ABLIM1: variants seen among roughly 807,000 people sequenced by gnomAD.
ABLIM1 encodes actin-binding LIM protein 1.
A neutral mutation model predicts 107.0 loss-of-function variants in ABLIM1; 40 were observed. The ratio of observed to expected loss-of-function variants is 0.37; its 90% confidence interval spans 0.29 to 0.49. The LOEUF (loss-of-function observed/expected upper bound fraction) is 0.49. Ranked by LOEUF, ABLIM1 falls within the 20% of genes least tolerant of loss-of-function variation. The probability of loss-of-function intolerance (pLI) is 0.97; values close to 1 mark genes in which losing one functional copy is unlikely to be tolerated. For synonymous variants in ABLIM1, 357 were observed against 357.3 expected (o/e 1.00, Z 0.01); for missense variants, 857 against 1,008.5 (o/e 0.85, Z 2.04).
chr10:114,439,964 G>T lies in ABLIM1; in HGVS notation c.2067+118C>A, dbSNP rs572519996. On this transcript the variant is annotated intron_variant, in intron 20 of 22. Transcript: ENST00000533213. ...ACGGCTATAGAGTAATGACTAGAGA[G>T]ATCAACCACAACAAGCATCTTCTCA... 9.8e-6 allele frequency: 15 copies of T among 1,536,250 alleles called. No individual in the cohort carries two copies. The East Asian group carries it at 3.4e-4, about 35-fold the overall frequency.
intron 2 of ABLIM1, among the ~76,000 whole-genome samples, chr10:114,600,340 C>T (rs372805659): frequency 3.8e-4 from 58 of 152,264 alleles, no homozygotes; most frequent in African/African-American, 1.3e-3. Flanking sequence ...GTGGACACAG[C>T]ATTTGTAACG....
chr10:114,468,588 A>T (rs1400910686), intron 10 of ABLIM1, among the ~76,000 whole-genome samples: 3 of 151,650 alleles, frequency 2.0e-5, no homozygotes, highest in Non-Finnish European at 4.4e-5. Context: ...TGCCAGTTTT[A>T]ATTAGAGTTG....
At chr10:114,799,362 A>G in the ABLIM1 span, among the ~76,000 whole-genome samples, 1 of 152,026 alleles carries the variant, frequency 6.6e-6, no homozygotes, top group African/African-American at 2.4e-5. Flanking sequence ...CTACTTTCTC[A>G]TTTATATTTC....
upstream of ABLIM1, among the ~76,000 whole-genome samples, chr10:114,769,630 T>C (rs1452140310): frequency 6.6e-6 from 1 of 152,130 alleles, no homozygotes; most frequent in Admixed American, 6.5e-5. Flanking sequence ...CCCAAATCCA[T>C]CCTGATGTGA....
At chr10:114,532,108 C>T (rs1235766086) in intron 6 of ABLIM1, among the ~76,000 whole-genome samples, 3 of 152,210 alleles carry the variant, frequency 2.0e-5, no homozygotes, top group African/African-American at 7.2e-5. Flanking sequence ...AGCCACGGCA[C>T]CTGGCCTGTA....
chr10:114,577,367 A>T (rs1324883411), intron 2 of ABLIM1, among the ~76,000 whole-genome samples: 1 of 152,166 alleles, frequency 6.6e-6, no homozygotes, highest in Non-Finnish European at 1.5e-5. Flanking sequence ...CTGAGAAGTG[A>T]CACAACAATG....
chr10:114,458,421 C>T (rs913105232), intron 12 of ABLIM1, among the ~76,000 whole-genome samples: 10 of 152,212 alleles, frequency 6.6e-5, no homozygotes, highest in African/African-American at 2.4e-4. Context: ...ACCATGAGAG[C>T]CCGAGTGACT....
rs371025502 is a variant in ABLIM1 at position 114,451,605 on chromosome 10, G to A, written c.1594+19C>T. ...TGACTTTGCTATTTAAAAGCTACGC[G>A]GAGGAAAGCGGGTTTTACCATGCTG... On this transcript the variant is annotated intron_variant, in intron 14 of 22. Transcript: ENST00000533213. The A allele has an allele frequency of 1.4e-5, 22 of 1,606,062 alleles. No individual in the cohort carries two copies. Among genetic ancestry groups the A allele is most frequent in the African/African-American group, 1.1e-4 (8 of 74,718 alleles).
At chr10:114,625,735 A>G (rs2077748018) in intron 1 of ABLIM1, among the ~76,000 whole-genome samples, 1 of 152,184 alleles carries the variant, frequency 6.6e-6, no homozygotes, top group African/African-American at 2.4e-5. Context: ...CAAAAGGTAA[A>G]AGGGCTCAGG....
At chr10:114,625,261 A>T (rs2077715049) in intron 1 of ABLIM1, among the ~76,000 whole-genome samples, 1 of 152,170 alleles carries the variant, frequency 6.6e-6, no homozygotes, top group Non-Finnish European at 1.5e-5. Flanking sequence ...CATCGCACAC[A>T]TGAGGAATTA....
chr10:114,510,470 G>C (rs2135984098), intron 6 of ABLIM1, among the ~76,000 whole-genome samples: 1 of 151,974 alleles, frequency 6.6e-6, no homozygotes, highest in African/African-American at 2.4e-5. Flanking sequence ...TTCCCCACTA[G>C]ACTTTAATTT....
chr10:114,511,910 C>T (rs565215543), intron 6 of ABLIM1, among the ~76,000 whole-genome samples: 62 of 152,180 alleles, frequency 4.1e-4, no homozygotes, highest in Admixed American at 9.2e-4. Flanking sequence ...TCTGCAGTTC[C>T]CTCAAACTTG....
intron 22 of ABLIM1, among the ~76,000 whole-genome samples, chr10:114,436,685 T>G (rs2059446101): frequency 6.6e-6 from 1 of 152,164 alleles, no homozygotes; most frequent in Non-Finnish European, 1.5e-5. Flanking sequence ...CTTGGAACGT[T>G]GAGAAGATGC....
At chr10:114,536,227 G>T (rs374173684) in intron 6 of ABLIM1, among the ~76,000 whole-genome samples, 17 of 56,230 alleles carry the variant, frequency 3.0e-4, no homozygotes, top group African/African-American at 1.0e-3. Flanking sequence ...TTCTTTCTTT[G>T]TTTTTTTTTT....
intron 1 of ABLIM1, among the ~76,000 whole-genome samples, chr10:114,653,669 C>T (rs1464000315): frequency 2.0e-5 from 3 of 152,176 alleles, no homozygotes; most frequent in African/African-American, 7.2e-5. Flanking sequence ...GAGGCTGTTT[C>T]GTACGTTTAC....
intron 1 of ABLIM1, among the ~76,000 whole-genome samples, chr10:114,746,947 T>C (rs1263300894): frequency 1.3e-5 from 2 of 152,218 alleles, no homozygotes; most frequent in African/African-American, 4.8e-5. Context: ...ATATTTTGGA[T>C]ATTAAACTCT....
intron 8 of ABLIM1, among the ~76,000 whole-genome samples, chr10:114,481,050 G>A (rs141113359): frequency 2.0e-5 from 3 of 152,166 alleles, no homozygotes; most frequent in South Asian, 4.1e-4. Flanking sequence ...TTGTCCATCT[G>A]TCCTACCATT....
intron 1 of ABLIM1, among the ~76,000 whole-genome samples, chr10:114,746,265 G>A (rs1249966968): frequency 6.6e-6 from 1 of 152,128 alleles, no homozygotes; most frequent in African/African-American, 2.4e-5. Context: ...CCCAGCCTCA[G>A]TAACCACCAT....
chr10:114,439,974 A>C, intron 20 of ABLIM1, 108 bp downstream of exon 20: 3 of 1,569,952 alleles, frequency 1.9e-6, no homozygotes, highest in Non-Finnish European at 2.6e-6. Flanking sequence ...GATCAACCAC[A>C]ACAAGCATCT....
Sources: allele counts gnomAD v4.1 joint callset (sites outside exome capture counted in the v4.1 genomes callset), GRCh38; gene constraint gnomAD v4.1.1; transcripts MANE v1.5; gene names NCBI Gene and HGNC (gene_info 2026-07-23, HGNC 2026-07-21).